Variants in MAP3K5 observed in about 807,000 individuals in gnomAD.
The protein encoded by MAP3K5 is mitogen-activated protein kinase kinase kinase 5.
In MAP3K5, 56 loss-of-function variants were observed where a neutral mutation model predicts 158.7. That is an observed-to-expected ratio of 0.35 (90% CI 0.28 to 0.44). The LOEUF is 0.44. MAP3K5 is among the 20% of genes least tolerant of loss of function. The pLI, the probability that MAP3K5 is intolerant of heterozygous loss-of-function variation, is 1.00. For synonymous variants in MAP3K5, 579 were observed against 601.7 expected, an observed-to-expected ratio of 0.96 and a Z score of 0.55; for missense variants, 1,294 against 1,674.8, an observed-to-expected ratio of 0.77 and a Z score of 3.97.
At chr6:136,740,324 T>C (rs1782657978) in intron 1 of MAP3K5, among the ~76,000 whole-genome samples, 1 of 152,220 alleles carries the variant, frequency 6.6e-6, no homozygotes, top group African/African-American at 2.4e-5. Context: ...TAATCTTGGT[T>C]TTCCTTTTTT....
At chr6:136,760,869 C>T (rs769811484) in intron 1 of MAP3K5, among the ~76,000 whole-genome samples, 1 of 152,174 alleles carries the variant, frequency 6.6e-6, no homozygotes, top group African/African-American at 2.4e-5. Context: ...ACTCGAGAGG[C>T]TGAGGCATGA....
chr6:136,728,877 G>T (rs1439312413), intron 1 of MAP3K5, among the ~76,000 whole-genome samples: 1 of 152,038 alleles, frequency 6.6e-6, no homozygotes, highest in African/African-American at 2.4e-5. Context: ...TCCAGAGGTT[G>T]GCCTTAAAAA....
chr6:136,734,421 G>GGAAA (rs1554307217), intron 1 of MAP3K5, among the ~76,000 whole-genome samples: 62 of 56,742 alleles, frequency 1.1e-3, no homozygotes, highest in African/African-American at 4.2e-3. Flanking sequence ...CTCTGTCTCG[G>GGAAA]AAAAAAAAAA....
Position 136,756,011 on chromosome 6 carries a change from T to A in MAP3K5, c.449-35422A>T, listed in dbSNP as rs139911930. Among the ~76,000 whole-genome samples, 3 of 151,958 alleles carry A rather than the reference T, an allele frequency of 2.0e-5. No homozygotes were observed. In the East Asian group the frequency reaches 5.8e-4, roughly 29 times the overall value. On this transcript the variant is annotated intron_variant, in intron 1 of 29. Coordinates refer to ENST00000359015, the MANE Select transcript of MAP3K5 (RefSeq NM_005923.4). ...ATTGATGGAAAAGTAGAAATGGAGC[T>A]AAGGAGAGAAGAATGGGCTAGAAAT...
At chr6:136,581,620 C>T (rs952516266) in intron 24 of MAP3K5, among the ~76,000 whole-genome samples, 1 of 152,222 alleles carries the variant, frequency 6.6e-6, no homozygotes, top group Admixed American at 6.5e-5. Context: ...TCCAGTTGCT[C>T]ATGCCTGTCC....
intron 14 of MAP3K5, among the ~76,000 whole-genome samples, chr6:136,627,909 G>A (rs1219793553): frequency 2.0e-5 from 3 of 152,108 alleles, no homozygotes; most frequent in African/African-American, 7.2e-5. Context: ...TCGAGACTTG[G>A]GACTTCATCC....
In MAP3K5 at chr6:136,757,586, ATT is replaced by A. The variant is rs897486770; in HGVS notation, c.448+34122_448+34123del. Reference sequence around the variant, plus strand: ...TTATAGATTTATTTATTTATTTTTTATTTTTTTTTTTTTTTTTTGAGACGGAG... The same window carrying A: ...TTATAGATTTATTTATTTATTTTTTATTTTTTTTTTTTTTTTGAGACGGAG... On this transcript the variant is annotated intron_variant, in intron 1 of 29. Coordinates refer to ENST00000359015, the MANE Select transcript of MAP3K5 (RefSeq NM_005923.4). Among the ~76,000 whole-genome samples the A allele has an allele frequency of 5.1e-3, 648 of 127,814 alleles. 12 individuals carry two copies. Among genetic ancestry groups the A allele is most frequent in the South Asian group, 0.034 (145 of 4,224 alleles). 83.9% of individuals were successfully genotyped at this position (127,814 alleles called of 152,430 possible).
intron 1 of MAP3K5, among the ~76,000 whole-genome samples, chr6:136,780,370 G>A (rs1424498475): frequency 6.6e-6 from 1 of 152,124 alleles, no homozygotes; most frequent in East Asian, 1.9e-4. Context: ...AACCAACTTT[G>A]CATCTATTAG....
intron 2 of MAP3K5, among the ~76,000 whole-genome samples, chr6:136,710,782 G>A (rs1781272907): frequency 1.3e-5 from 2 of 152,054 alleles, no homozygotes; most frequent in South Asian, 4.2e-4. Context: ...TCTTGCCCAG[G>A]GAAAGAACCT....
At chr6:136,584,837 G>A (rs1207558207) in intron 23 of MAP3K5, among the ~76,000 whole-genome samples, 3 of 152,276 alleles carry the variant, frequency 2.0e-5, no homozygotes, top group Admixed American at 6.5e-5. Context: ...ACTCGGCTAG[G>A]CACTATGATT....
At chr6:136,687,653 CAACA>C (rs1372076999) in intron 7 of MAP3K5, among the ~76,000 whole-genome samples, 1 of 152,118 alleles carries the variant, frequency 6.6e-6, no homozygotes, top group Non-Finnish European at 1.5e-5. Context: ...TTTATGCGGC[CAACA>C]AACATATGAC....
At chr6:136,599,309 A>ATTGGGGACTGCCCCT (rs1775775344) in intron 21 of MAP3K5, among the ~76,000 whole-genome samples, 1 of 152,110 alleles carries the variant, frequency 6.6e-6, no homozygotes, top group Non-Finnish European at 1.5e-5. Context: ...CATGCAGGGA[A>ATTGGGGACTGCCCCT]TTGGGGACTG....
At chr6:136,665,800 T>G (rs1469419120) in intron 8 of MAP3K5, among the ~76,000 whole-genome samples, 1 of 152,222 alleles carries the variant, frequency 6.6e-6, no homozygotes, top group Admixed American at 6.5e-5. Context: ...GTGATAGATT[T>G]TGTTCTGATG....
intron 28 of MAP3K5, among the ~76,000 whole-genome samples, chr6:136,559,277 G>A (rs1038164279): frequency 3.9e-5 from 6 of 152,180 alleles, no homozygotes; most frequent in African/African-American, 9.7e-5. Flanking sequence ...GCTTGAACCC[G>A]GGAGGCAGAG....
intron 8 of MAP3K5, among the ~76,000 whole-genome samples, chr6:136,666,738 A>G (rs1779246308): frequency 6.6e-6 from 1 of 152,230 alleles, no homozygotes; most frequent in Admixed American, 6.5e-5. Flanking sequence ...ACAATTGAAT[A>G]GAATCTAAGT....
intron 1 of MAP3K5, among the ~76,000 whole-genome samples, chr6:136,738,285 T>A (rs1782559279): frequency 6.6e-6 from 1 of 152,176 alleles, no homozygotes; most frequent in African/African-American, 2.4e-5. Context: ...ACTTCCCTGG[T>A]CCAAGGGGAG....
chr6:136,718,658 A>G (rs1340846999), intron 2 of MAP3K5, among the ~76,000 whole-genome samples: 2 of 152,218 alleles, frequency 1.3e-5, no homozygotes, highest in African/African-American at 4.8e-5. Context: ...CTCCTAGACA[A>G]AGGCTAGCTT....
chr6:136,790,670 C>G (rs895047788), intron 1 of MAP3K5, among the ~76,000 whole-genome samples: 2 of 152,146 alleles, frequency 1.3e-5, no homozygotes, highest in African/African-American at 4.8e-5. Context: ...GAATTGAAAA[C>G]AAGATTGGAA....
rs1352808549 is a variant in MAP3K5, at chr6:136,658,309, CT to C, written c.1526+909del. 4.0e-5 allele frequency among the ~76,000 whole-genome samples: 3 copies of C among 75,678 alleles called. 1 individual carries two copies. Among genetic ancestry groups the C allele is most frequent in the South Asian group, 6.7e-4 (2 of 2,996 alleles). 49.6% of individuals were successfully genotyped at this position (75,678 alleles called of 152,430 possible). Reference sequence around the variant, plus strand: ...TTCTTTTTCTTTTCTTTCTTTCTTTCTTTCTTTTTTTTTTTTTTTTTTTGAG... The same window carrying C: ...TTCTTTTTCTTTTCTTTCTTTCTTTCTTCTTTTTTTTTTTTTTTTTTTGAG... On this transcript the variant is annotated intron_variant, in intron 9 of 29. Transcript: ENST00000359015.
Sources: allele counts gnomAD v4.1 joint callset (sites outside exome capture counted in the v4.1 genomes callset), GRCh38; gene constraint gnomAD v4.1.1; transcripts MANE v1.5; gene names NCBI Gene and HGNC (gene_info 2026-07-23, HGNC 2026-07-21).